The following NKAIN2 variants were observed in gnomAD, a reference collection of about 807,000 sequenced individuals.
NKAIN2 encodes sodium/potassium transporting ATPase interacting 2.
Under a neutral mutation model 32.6 loss-of-function variants are expected in NKAIN2, and 14 were observed. The ratio of observed to expected loss-of-function variants is 0.43; its 90% CI spans 0.28 to 0.67. The LOEUF is 0.67. NKAIN2 is among the 30% of genes least tolerant of loss of function. The pLI is 0.17. For synonymous variants in NKAIN2, 80 were observed against 87.2 expected, an observed-to-expected ratio of 0.92 and a Z score of 0.46; for missense variants, 198 against 258.3, an observed-to-expected ratio of 0.77 and a Z score of 1.60.
At chr6:124,299,939 G>T (rs1421312927) in intron 2 of NKAIN2, among the ~76,000 whole-genome samples, 4 of 152,150 alleles carry the variant, frequency 2.6e-5, no homozygotes, top group African/African-American at 9.7e-5. Flanking sequence ...ATGGTAGAGA[G>T]GATTCAAAAC....
intron 1 of NKAIN2, among the ~76,000 whole-genome samples, chr6:123,944,797 C>A (rs1776991322): frequency 6.6e-6 from 1 of 151,896 alleles, no homozygotes; most frequent in African/African-American, 2.4e-5. Context: ...CATTATTTCC[C>A]ATTCTTTTGA....
chr6:123,850,221 A>G (rs1775274379), intron 1 of NKAIN2, among the ~76,000 whole-genome samples: 3 of 151,770 alleles, frequency 2.0e-5, no homozygotes, highest in South Asian at 2.1e-4. Flanking sequence ...GAGCTCAAAC[A>G]GCAATGATTG....
At chr6:124,010,941 A>G (rs954891478) in intron 1 of NKAIN2, among the ~76,000 whole-genome samples, 9 of 152,140 alleles carry the variant, frequency 5.9e-5, no homozygotes, top group African/African-American at 2.2e-4. Flanking sequence ...TTACCCTTAT[A>G]TCATTTTTAT....
rs541587147 is a variant in NKAIN2, at chr6:124,048,757, TC to T, written c.55-234247del. 9.4e-4 allele frequency among the ~76,000 whole-genome samples: 143 copies of T among 152,118 alleles called. 1 individual carries two copies. The highest frequency in any genetic ancestry group is 3.2e-3 in the African/African-American group (133 of 41,502). On this transcript the variant is annotated intron_variant, in intron 1 of 6. Coordinates refer to ENST00000368417, the MANE Select transcript of NKAIN2 (RefSeq NM_001040214.3). ...AAATAATTATTGGAAATTTCACCTGTCAACAGAAAAGTAAACAAAGTAAAAA... is the reference window on the plus strand; with the variant it reads ...AAATAATTATTGGAAATTTCACCTGTAACAGAAAAGTAAACAAAGTAAAAA...
intron 1 of NKAIN2, among the ~76,000 whole-genome samples, chr6:123,921,849 T>G (rs1360507734): frequency 6.6e-6 from 1 of 151,834 alleles, no homozygotes; most frequent in Non-Finnish European, 1.5e-5. Context: ...GAGAATGGCA[T>G]GAACCAAGGA....
chr6:124,822,917 T>C (rs1781450742), intron 6 of NKAIN2, among the ~76,000 whole-genome samples: 1 of 148,882 alleles, frequency 6.7e-6, no homozygotes, highest in Non-Finnish European at 1.5e-5. Flanking sequence ...GAATATCCTA[T>C]AATATATCAC....
intron 5 of NKAIN2, among the ~76,000 whole-genome samples, chr6:124,818,182 C>G (rs1781249324): frequency 6.6e-6 from 1 of 152,026 alleles, no homozygotes; most frequent in Admixed American, 6.6e-5. Flanking sequence ...TTGAATCTTA[C>G]AATGAGCAGT....
chr6:124,788,260 G>C (rs1779591278), intron 4 of NKAIN2, among the ~76,000 whole-genome samples: 1 of 151,990 alleles, frequency 6.6e-6, no homozygotes, highest in African/African-American at 2.4e-5. Flanking sequence ...TTGATTGTAG[G>C]ATGTTATTGT....
intron 1 of NKAIN2, among the ~76,000 whole-genome samples, chr6:123,913,595 T>C (rs1775332029): frequency 6.6e-6 from 1 of 152,204 alleles, no homozygotes; most frequent in African/African-American, 2.4e-5. Context: ...AGGTTTAGAA[T>C]GACCCTTTCA....
chr6:124,651,013 A>ACATTCCCATTC (rs1180713401), intron 3 of NKAIN2, among the ~76,000 whole-genome samples: 1 of 152,200 alleles, frequency 6.6e-6, no homozygotes, highest in African/African-American at 2.4e-5. Flanking sequence ...GGTGGGACAG[A>ACATTCCCATTC]CATAAGGTAG....
intron 1 of NKAIN2, among the ~76,000 whole-genome samples, chr6:124,117,204 G>A (rs1785658061): frequency 6.6e-6 from 1 of 152,060 alleles, no homozygotes; most frequent in Admixed American, 6.6e-5. Context: ...GAAAAATTCT[G>A]TGGGGAGGTC....
chr6:124,583,070 T>C (rs1781580241), intron 3 of NKAIN2, among the ~76,000 whole-genome samples: 1 of 151,944 alleles, frequency 6.6e-6, no homozygotes, highest in Non-Finnish European at 1.5e-5. Flanking sequence ...ATAACAAGAA[T>C]ATCCATTCTT....
At chr6:124,170,459 ATC>A (rs1012202839) in intron 1 of NKAIN2, among the ~76,000 whole-genome samples, 1 of 152,224 alleles carries the variant, frequency 6.6e-6, no homozygotes, top group African/African-American at 2.4e-5. Flanking sequence ...AGGGAGAAGT[ATC>A]TCTGATGTAT....
intron 1 of NKAIN2, among the ~76,000 whole-genome samples, chr6:124,268,607 A>G (rs1386726159): frequency 6.6e-6 from 1 of 152,068 alleles, no homozygotes. Context: ...CAATGAATGC[A>G]CTGAAAAGAA....
At chr6:123,910,423 A>G (rs1328260703) in intron 1 of NKAIN2, among the ~76,000 whole-genome samples, 2 of 150,868 alleles carry the variant, frequency 1.3e-5, no homozygotes, top group African/African-American at 4.9e-5. Context: ...AGTCTAAATT[A>G]TCATGTATTT....
intron 4 of NKAIN2, among the ~76,000 whole-genome samples, chr6:124,714,482 T>G (rs1376706312): frequency 2.0e-5 from 3 of 152,220 alleles, no homozygotes; most frequent in Admixed American, 6.5e-5. Context: ...CATTTTTCAC[T>G]GGTGAAAAGC....
chr6:124,261,212 A>G (rs114187803), intron 1 of NKAIN2, among the ~76,000 whole-genome samples: 1,697 of 152,260 alleles, frequency 0.011, 32 homozygotes, highest in South Asian at 0.042. Flanking sequence ...GCTGTGATAC[A>G]ATCTCGTCTT....
chr6:123,902,673 A>C (rs1478245547), intron 1 of NKAIN2, among the ~76,000 whole-genome samples: 3 of 152,206 alleles, frequency 2.0e-5, no homozygotes, highest in Non-Finnish European at 2.9e-5. Context: ...GGCATAATAC[A>C]TTCCAAAAAA....
In NKAIN2 at chr6:124,607,707, T is replaced by C. The variant is rs183367318; in HGVS notation, c.274-50479T>C. Among the ~76,000 whole-genome samples the C allele has an allele frequency of 3.0e-4, 45 of 152,242 alleles. 1 individual carries two copies. The East Asian group carries it at 8.7e-3, about 29-fold the overall frequency. On this transcript the variant is annotated intron_variant, in intron 3 of 6. Coordinates refer to ENST00000368417, the MANE Select transcript of NKAIN2 (RefSeq NM_001040214.3). ...GTGTGTGTTTATATATGAATATATA[T>C]GCATATATATAAACTGTTCACAACT...
Sources: gnomAD v4.1 joint callset for allele counts (sites outside exome capture counted in the v4.1 genomes callset) on GRCh38, gnomAD v4.1.1 for gene constraint, MANE v1.5 for transcripts, NCBI Gene and HGNC (gene_info 2026-07-23, HGNC 2026-07-21) for gene names.